ATRNL1: variants seen among roughly 807,000 people sequenced by gnomAD.
ATRNL1 encodes attractin-like protein 1.
A neutral mutation model predicts 182.7 loss-of-function variants in ATRNL1; 95 were observed. That is an observed-to-expected ratio of 0.52 (90% CI 0.44 to 0.62). The LOEUF (loss-of-function observed/expected upper bound fraction) is 0.62. Among genes scored for constraint, ATRNL1 ranks in the 20% least tolerant of loss-of-function variants. The pLI is 0.00. For missense variants in ATRNL1, 1,471 were observed against 1,679.5 expected, an observed-to-expected ratio of 0.88 and a Z score of 2.17; for synonymous variants, 576 against 568.3, an observed-to-expected ratio of 1.01 and a Z score of -0.19.
At chr10:115,637,175 A>C (rs1858927665) in intron 26 of ATRNL1, among the ~76,000 whole-genome samples, 1 of 152,196 alleles carries the variant, frequency 6.6e-6, no homozygotes, top group Non-Finnish European at 1.5e-5. Context: ...AACTGACCAT[A>C]TCACCGTGGA....
At chr10:115,096,789 T>G in intron 1 of ATRNL1, 2 of 1,232,804 alleles carry the variant, frequency 1.6e-6, no homozygotes, top group Non-Finnish European at 2.1e-6. Flanking sequence ...TCTGTTTCCA[T>G]TTGAAAAGAA....
At chr10:115,888,847 G>T (rs1952013590) in intron 28 of ATRNL1, among the ~76,000 whole-genome samples, 1 of 152,132 alleles carries the variant, frequency 6.6e-6, no homozygotes, top group African/African-American at 2.4e-5. Context: ...GCATGGAGAG[G>T]CCTCCCAGTC....
intron 26 of ATRNL1, among the ~76,000 whole-genome samples, chr10:115,700,779 C>G (rs1172752411): frequency 1.3e-5 from 2 of 152,078 alleles, no homozygotes; most frequent in African/African-American, 4.8e-5. Context: ...TATATGCACT[C>G]AACGTTGGAG....
chr10:115,181,851 A>G lies in ATRNL1; in HGVS notation c.1348+10559A>G, dbSNP rs151064666. On this transcript the variant is annotated intron_variant, in intron 8 of 28. Transcript: ENST00000355044. ...TTTTGTTGAACACAGTTGAGAATTT[A>G]AAATTTTTCATTTTCTGCCCATACT... Among the ~76,000 whole-genome samples the G allele has an allele frequency of 3.2e-3, 489 of 151,800 alleles. 4 individuals carry two copies. The highest frequency in any genetic ancestry group is 6.8e-3 in the Admixed American group (103 of 15,202).
At chr10:115,713,701 C>CTAT (rs1565310799) in intron 26 of ATRNL1, among the ~76,000 whole-genome samples, 950 of 50,162 alleles carry the variant, frequency 0.019, 10 homozygotes, top group African/African-American at 0.036. Context: ...ATCTATCTAT[C>CTAT]TATCATCTAT....
intron 19 of ATRNL1, among the ~76,000 whole-genome samples, chr10:115,387,846 A>C (rs1204792091): frequency 6.6e-6 from 1 of 152,068 alleles, no homozygotes; most frequent in Non-Finnish European, 1.5e-5. Flanking sequence ...GGTTGTTTCC[A>C]CTTATGGCTA....
intron 1 of ATRNL1, among the ~76,000 whole-genome samples, chr10:115,102,237 G>A (rs75268926): frequency 0.017 from 2,524 of 152,114 alleles, 37 homozygotes; most frequent in Non-Finnish European, 0.025. Context: ...AGCCTTTATC[G>A]TTATCCAATG....
At chr10:115,827,157 T>C (rs1219730155) in intron 27 of ATRNL1, among the ~76,000 whole-genome samples, 1 of 152,224 alleles carries the variant, frequency 6.6e-6, no homozygotes, top group Non-Finnish European at 1.5e-5. Flanking sequence ...GCCAGAGGTC[T>C]AGAAGACAGT....
rs534469788 is a variant in ATRNL1 at position 115,854,239 on chromosome 10, A to C, written c.4018+6248A>C. Among the ~76,000 whole-genome samples, 9 of 152,336 alleles carry C rather than the reference A, an allele frequency of 5.9e-5. No homozygotes were observed. The South Asian group carries it at 1.9e-3, about 32-fold the overall frequency. On this transcript the variant is annotated intron_variant, in intron 28 of 28. Coordinates refer to ENST00000355044, the MANE Select transcript of ATRNL1 (RefSeq NM_207303.4). Reference sequence around the variant, plus strand: ...CTACAGCAGTAATCGAGTGATAAACATAGTCATTAAAATGCCCTTTCCTCA... The same window carrying C: ...CTACAGCAGTAATCGAGTGATAAACCTAGTCATTAAAATGCCCTTTCCTCA...
At chr10:115,543,030 G>T (rs1215569583) in intron 25 of ATRNL1, among the ~76,000 whole-genome samples, 1 of 152,140 alleles carries the variant, frequency 6.6e-6, no homozygotes, top group African/African-American at 2.4e-5. Flanking sequence ...ACACTGGGGG[G>T]TTAGGGCTTT....
intron 20 of ATRNL1, among the ~76,000 whole-genome samples, chr10:115,402,203 T>C (rs528783149): frequency 1.3e-5 from 2 of 152,330 alleles, no homozygotes; most frequent in Non-Finnish European, 2.9e-5. Flanking sequence ...TTTGTGTTTA[T>C]ATGTAAAATG....
chr10:115,361,717 T>G (rs1554944259), intron 19 of ATRNL1, among the ~76,000 whole-genome samples: 3 of 152,030 alleles, frequency 2.0e-5, no homozygotes, highest in Admixed American at 6.6e-5. Context: ...GGTTTGAGTT[T>G]CCTCTCATTT....
At chr10:115,831,065 G>GA (rs1380884888) in intron 27 of ATRNL1, among the ~76,000 whole-genome samples, 27 of 150,802 alleles carry the variant, frequency 1.8e-4, no homozygotes, top group South Asian at 4.2e-4. Flanking sequence ...ACGTTTTCTG[G>GA]AAAAAAAAAT....
chr10:115,481,930 C>T (rs1848788087), intron 24 of ATRNL1, among the ~76,000 whole-genome samples: 1 of 150,818 alleles, frequency 6.6e-6, no homozygotes. Flanking sequence ...TAAAAAATGA[C>T]TTAATTTTTG....
intron 26 of ATRNL1, among the ~76,000 whole-genome samples, chr10:115,585,448 A>G (rs1184025884): frequency 0.041 from 5,254 of 126,846 alleles, 413 homozygotes; most frequent in African/African-American, 0.15. Flanking sequence ...TTGGGTGCAT[A>G]TATATTTAGG....
intron 21 of ATRNL1, among the ~76,000 whole-genome samples, chr10:115,431,417 A>G (rs77313003): frequency 6.6e-6 from 1 of 151,644 alleles, no homozygotes; most frequent in African/African-American, 2.4e-5. Flanking sequence ...AAAAAAAAAA[A>G]AAGAAAAGAA....
chr10:115,386,455 T>A (rs1222777017), intron 19 of ATRNL1, among the ~76,000 whole-genome samples: 1 of 152,082 alleles, frequency 6.6e-6, no homozygotes, highest in Non-Finnish European at 1.5e-5. Flanking sequence ...GTTGAGGGTG[T>A]TCAAGCTGCT....
intron 19 of ATRNL1, among the ~76,000 whole-genome samples, chr10:115,351,774 T>TTTGA: frequency 2.3e-5 from 1 of 43,262 alleles, no homozygotes; most frequent in African/African-American, 5.6e-5. Context: ...GTTTTGTTTG[T>TTTGA]GTTTTTGTTT....
chr10:115,377,603 T>C (rs1373585285), intron 19 of ATRNL1, among the ~76,000 whole-genome samples: 3 of 152,218 alleles, frequency 2.0e-5, no homozygotes, highest in Admixed American at 6.5e-5. Context: ...ATCATATTTT[T>C]CTGACTTTTT....
Sources: gnomAD v4.1 joint callset for allele counts (sites outside exome capture counted in the v4.1 genomes callset) on GRCh38, gnomAD v4.1.1 for gene constraint, MANE v1.5 for transcripts, NCBI Gene and HGNC (gene_info 2026-07-23, HGNC 2026-07-21) for gene names.